Variants in UBOX5 observed in about 807,000 individuals in gnomAD.
The protein encoded by UBOX5 is RING finger protein 37.
UBOX5 carries 28 observed loss-of-function variants against 39.0 expected under a neutral mutation model. The ratio of observed to expected loss-of-function variants is 0.72; its 90% confidence interval spans 0.53 to 0.98. The LOEUF is 0.98. Among genes scored for constraint, UBOX5 ranks in the 50% least tolerant of loss-of-function variants. The probability of loss-of-function intolerance (pLI) is 0.00; values close to 1 mark genes in which losing one functional copy is unlikely to be tolerated. For missense variants in UBOX5, 585 were observed against 674.4 expected (o/e 0.87, Z 1.47); for synonymous variants, 283 against 275.5 (o/e 1.03, Z -0.27).
At chr20:3,159,196 G>C (rs78422809) in intron 1 of UBOX5, among the ~76,000 whole-genome samples, 2,851 of 152,280 alleles carry the variant, frequency 0.019, 101 homozygotes, top group African/African-American at 0.065. Context: ...CTTGTGCAAC[G>C]AGAAACTGCT....
intron 1 of UBOX5, chr20:3,148,162 T>C: frequency 2.5e-6 from 4 of 1,613,798 alleles, no homozygotes; most frequent in Non-Finnish European, 3.4e-6. Flanking sequence ...GGATCAATGA[T>C]TCCAATTTTT....
chr20:3,148,079 T>C (rs750463487), intron 1 of UBOX5: 6 of 1,614,116 alleles, frequency 3.7e-6, no homozygotes, highest in Non-Finnish European at 5.1e-6. Context: ...TTCAGAGAGA[T>C]TAGTACTTGA....
chr20:3,133,924 T>G (rs1425331733), intron 1 of UBOX5, among the ~76,000 whole-genome samples: 1 of 151,916 alleles, frequency 6.6e-6, no homozygotes, highest in African/African-American at 2.4e-5. Context: ...GGCTAATTTT[T>G]GGGGGTTTTT....
chr20:3,115,545 T>TA (rs1210488274), intron 3 of UBOX5, 79 bp from the exon 4 acceptor site: 45 of 1,450,362 alleles, frequency 3.1e-5, no homozygotes, highest in Non-Finnish European at 4.0e-5. Flanking sequence ...TCGAGGGCTG[T>TA]AAAAACGGCA....
intron 1 of UBOX5, among the ~76,000 whole-genome samples, chr20:3,158,931 AT>A (rs923185400): frequency 6.6e-6 from 1 of 152,194 alleles, no homozygotes. Flanking sequence ...GCAGCAACAA[AT>A]GACTGGAGCA....
Position 3,146,892 on chromosome 20 carries a change from G to A in UBOX5, c.-42+12874C>T, listed in dbSNP as rs114422732. The A allele has an allele frequency of 8.7e-6, 14 of 1,614,066 alleles. No individual in the cohort carries two copies. The highest frequency in any genetic ancestry group is 6.7e-5 in the East Asian group (3 of 44,904). On this transcript the variant is annotated intron_variant, in intron 1 of 4. Transcript: ENST00000217173. ...AACTCTACCACACGGTAGCCAAGCC[G>A]AGCCAGCTGCCGCCTCTTCATATTG... is the stretch of plus-strand genomic sequence containing the variant.
intron 3 of UBOX5, among the ~76,000 whole-genome samples, chr20:3,117,305 ACACACAC>A (rs1347383306): frequency 6.6e-6 from 1 of 151,666 alleles, no homozygotes; most frequent in Admixed American, 6.6e-5. Context: ...ACACACACAC[ACACACAC>A]ACACACACAC....
intron 1 of UBOX5, among the ~76,000 whole-genome samples, chr20:3,156,173 CTTTT>C (rs761149925): frequency 7.7e-6 from 1 of 130,126 alleles, no homozygotes; most frequent in East Asian, 2.2e-4. Context: ...ACTTCTGACT[CTTTT>C]TTTTTTTTTT....
chr20:3,110,523 A>C, intron 4 of UBOX5: 1 of 593,082 alleles, frequency 1.7e-6, no homozygotes. Context: ...CTTTGACCAA[A>C]TCTCAGTGCC....
At chr20:3,138,141 C>T (rs141906089) in intron 1 of UBOX5, among the ~76,000 whole-genome samples, 85 of 152,098 alleles carry the variant, frequency 5.6e-4, no homozygotes, top group African/African-American at 1.8e-3. Context: ...GCCATGGTGG[C>T]GCATGCCTGT....
Position 3,148,911 on chromosome 20 carries a change from T to C in UBOX5, c.-42+10855A>G, listed in dbSNP as rs143020608. 19 of 1,614,244 alleles carry C rather than the reference T, an allele frequency of 1.2e-5. No homozygotes were observed. The Middle Eastern group carries it at 4.9e-4, about 42-fold the overall frequency. On this transcript the variant is annotated intron_variant, in intron 1 of 4. Coordinates refer to ENST00000217173, the MANE Select transcript of UBOX5 (RefSeq NM_014948.4). The stretch of plus-strand genomic sequence containing the variant: ...GTGCTACATATGTTCTTAACTTTTT[T>C]GGCAGAATGGCAGAGGCTAATGTGT...
intron 4 of UBOX5, among the ~76,000 whole-genome samples, chr20:3,115,016 A>G (rs2066282420): frequency 6.6e-6 from 1 of 152,200 alleles, no homozygotes; most frequent in South Asian, 2.1e-4. Flanking sequence ...AATTAACATT[A>G]GATCTCACAA....
chr20:3,143,786 C>T (rs759619578), intron 1 of UBOX5, among the ~76,000 whole-genome samples: 7 of 151,408 alleles, frequency 4.6e-5, no homozygotes, highest in Non-Finnish European at 7.4e-5. Context: ...AGTGAGACTC[C>T]GTCTCAAAAA....
chr20:3,133,858 T>TGG, intron 1 of UBOX5, among the ~76,000 whole-genome samples: 1 of 151,960 alleles, frequency 6.6e-6, no homozygotes, highest in Non-Finnish European at 1.5e-5. Flanking sequence ...GTGATGGGTA[T>TGG]TCTCCTACCT....
At chr20:3,146,845 T>G in intron 1 of UBOX5, 1 of 1,614,196 alleles carries the variant, frequency 6.2e-7, no homozygotes, top group Non-Finnish European at 8.5e-7. Context: ...GTTTCAGTAG[T>G]GGGAGCCATT....
Position 3,149,317 on chromosome 20 carries a change from T to C in UBOX5, c.-42+10449A>G, listed in dbSNP as rs2148621695. On this transcript the variant is annotated intron_variant, in intron 1 of 4. Coordinates refer to ENST00000217173, the MANE Select transcript of UBOX5 (RefSeq NM_014948.4). The surrounding 1 kb of genome is among the most constrained non-coding windows in gnomAD (Gnocchi z 4.1). ...TTCTACCTATAAAAGCATCCAAATT[T>C]ACACATTATAAAAAACAGGTTGAAA... The C allele has an allele frequency of 1.0e-5, 5 of 498,446 alleles. No homozygotes were observed. Among genetic ancestry groups the C allele is most frequent in the Non-Finnish European group, 1.8e-5 (5 of 280,324 alleles). 30.9% of individuals were successfully genotyped at this position (498,446 alleles called of 1,614,324 possible). A position where few individuals can be genotyped will look rare whatever the true frequency, so the allele number is the denominator to read the frequency against.
In UBOX5 at chr20:3,123,359, T is replaced by C. The variant is rs2066352840; in HGVS notation, c.7A>G (p.Ile3Val). 6.2e-7 allele frequency: 1 copy of C among 1,613,918 alleles called. No individual in the cohort carries two copies. Among genetic ancestry groups the C allele is most frequent in the Admixed American group, 1.7e-5 (1 of 59,992 alleles). Residue 3 changes from isoleucine (I) to valine (V), a missense_variant, in exon 2 of 5, where the codon ATA becomes GTA. Physicochemically the swap from Ile to Val is conservative, Grantham distance 29. Coordinates refer to ENST00000217173, the MANE Select transcript of UBOX5 (RefSeq NM_014948.4). The stretch of plus-strand genomic sequence containing the variant: ...CTGAACTGTGGGAGGCAAAGATTTA[T>C]TACCATCTTTGTGGCTGAGAGGATA... MV[I>V]NLCLPQFRPR...
intron 3 of UBOX5, among the ~76,000 whole-genome samples, chr20:3,115,746 C>G (rs2066289092): frequency 6.8e-6 from 1 of 147,554 alleles, no homozygotes; most frequent in East Asian, 2.1e-4. Context: ...TGCAGAACTG[C>G]ACGCTCCTTT....
intron 1 of UBOX5, among the ~76,000 whole-genome samples, chr20:3,139,588 C>T (rs1375288019): frequency 6.6e-6 from 1 of 151,368 alleles, no homozygotes; most frequent in African/African-American, 2.4e-5. Context: ...GACGAGGTTT[C>T]ACCATGTTTG....
Sources: gnomAD v4.1 joint callset for allele counts (sites outside exome capture counted in the v4.1 genomes callset) on GRCh38, gnomAD v4.1.1 for gene constraint, Gnocchi (gnomAD v3.1) non-coding constraint, MANE v1.5 for transcripts, NCBI Gene and HGNC (gene_info 2026-07-23, HGNC 2026-07-21) for gene names.